The following AGPAT2 variants were observed in gnomAD, a reference collection of about 807,000 sequenced individuals.
The protein encoded by AGPAT2 is 1-acylglycerol-3-phosphate O-acyltransferase 2.
AGPAT2 carries 18 observed loss-of-function variants against 26.1 expected under a neutral mutation model. The ratio of observed to expected loss-of-function variants is 0.69; its 90% CI spans 0.48 to 1.02. The LOEUF (loss-of-function observed/expected upper bound fraction) is 1.02, where lower values mean the gene tolerates loss of function less well. AGPAT2 is among the 50% of genes least tolerant of loss of function. The probability of loss-of-function intolerance (pLI) is 0.00; values close to 1 mark genes in which losing one functional copy is unlikely to be tolerated. For synonymous variants in AGPAT2, 200 were observed against 174.2 expected (o/e 1.15, Z -1.16); for missense variants, 415 against 394.9 (o/e 1.05, Z -0.43).
chr9:136,677,470 C>T lies in AGPAT2; in HGVS notation c.269G>A (p.Arg90His), dbSNP rs142176861. Residue 90 changes from arginine to histidine, a missense_variant, in exon 2 of 6, where the codon CGT (arginine) becomes CAT (histidine). Physicochemically the swap from Arg to His is conservative, Grantham distance 29. Transcript: ENST00000371696. ...GTGGTTGGAGACGATGACACAGGGA[C>T]GGGCCTCCTGCAGCCTGCGCGGGTC... ...VRDPRRLQEA[R>H]PCVIVSNHQS... 8.0e-5 allele frequency: 129 copies of T among 1,613,108 alleles called. No homozygotes were observed. The African/African-American group carries it at 1.3e-3, about 16-fold the overall frequency.
In AGPAT2 at chr9:136,677,069, G is replaced by A. The variant is rs139719956; in HGVS notation, c.384C>T (p.Pro128=). The A allele has an allele frequency of 1.4e-5, 22 of 1,613,124 alleles. No individual in the cohort carries two copies. The highest frequency in any genetic ancestry group is 1.2e-4 in the African/African-American group (9 of 74,904). ...CCCCGAGGTACATGATGAGGCCCAC[G>A]GGCCCCAGGAAGAGCAGCTCCCGCT... ...IAKRELLFLG[P]VGLIMYLGGV... is the part of the protein sequence containing the mutation. The change falls in exon 3 of 6, where the codon CCC becomes CCT. Residue 128 remains proline (P), a synonymous_variant. Transcript: ENST00000371696.
rs2119185674 is a variant in AGPAT2, at chr9:136,677,149, GAGAC to G, written c.317-17_317-14del. ...ACCTCCATGAGGCCTGGGAGACAGA[GAGAC>G]AGAGACAGAGAGAGAGGGGGAGACA... On this transcript the variant is annotated splice_polypyrimidine_tract_variant and intron_variant, in intron 2 of 5. Transcript: ENST00000371696. 1 of 1,612,288 alleles carries G rather than the reference GAGAC, an allele frequency of 6.2e-7. No homozygotes were observed. Among genetic ancestry groups the G allele is most frequent in the South Asian group, 1.1e-5 (1 of 91,026 alleles).
At chr9:136,677,900 C>G (rs1588264677) in intron 1 of AGPAT2, among the ~76,000 whole-genome samples, 1 of 152,234 alleles carries the variant, frequency 6.6e-6, no homozygotes, top group Non-Finnish European at 1.5e-5. Context: ...CGGAAAGGAA[C>G]TGGCACTGGC....
rs199964729 is a variant in AGPAT2 at position 136,673,932 on chromosome 9, G to C, written c.662-5C>G. On this transcript the variant is annotated splice_polypyrimidine_tract_variant and splice_region_variant and intron_variant, in intron 5 of 5. Transcript: ENST00000371696. ...GCACCTGCACTGTGACTGTTCCTGT[G>C]GGGGAAGCAACAGACCTCAGTGGCC... is the stretch of plus-strand genomic sequence containing the variant. 313 of 1,554,594 alleles carry C rather than the reference G, an allele frequency of 2.0e-4. 1 individual carries two copies. In the East Asian group the frequency reaches 7.1e-3, roughly 35 times the overall value.
chr9:136,686,531 T>G lies in AGPAT2; in HGVS notation c.182+645A>C, dbSNP rs922152172. On this transcript the variant is annotated intron_variant, in intron 1 of 5. Coordinates refer to ENST00000371696, the MANE Select transcript of AGPAT2 (RefSeq NM_006412.4). ...AAATTTCAGCCCCGCCGAACCCTAG[T>G]CCTAACTCTTCCTTCCCTTCGCTTG... Among the ~76,000 whole-genome samples the G allele has an allele frequency of 2.0e-5, 3 of 152,238 alleles. 1 individual carries two copies. The highest frequency in any genetic ancestry group is 4.4e-5 in the Non-Finnish European group (3 of 68,042).
chr9:136,680,042 G>C (rs1405311053), intron 1 of AGPAT2, among the ~76,000 whole-genome samples: 3 of 152,226 alleles, frequency 2.0e-5, no homozygotes, highest in Admixed American at 6.5e-5. Flanking sequence ...TTCACAGACA[G>C]CTGGGGCGCG....
At chr9:136,676,214 A>G (rs1846088512) in intron 4 of AGPAT2, among the ~76,000 whole-genome samples, 1 of 152,132 alleles carries the variant, frequency 6.6e-6, no homozygotes, top group Non-Finnish European at 1.5e-5. Context: ...CCCACTGCCC[A>G]TGCCCTGAAG....
Position 136,673,486 on chromosome 9 carries a change from C to CT in AGPAT2, c.*265dup. On this transcript the variant is annotated 3_prime_UTR_variant, in exon 6 of 6. Transcript: ENST00000371696. ...AGCGGGCCACAGCCGCAAGCCTCAT[C>CT]TTTATCATCCCAGCTCCCAGAGGTG... 2 of 370,570 alleles carry CT rather than the reference C, an allele frequency of 5.4e-6. No homozygotes were observed. Among genetic ancestry groups the CT allele is most frequent in the Non-Finnish European group, 4.8e-6 (1 of 206,682 alleles). The allele number at this position is 370,570 out of a possible 1,614,324, so 23.0% of individuals were successfully genotyped here.
intron 1 of AGPAT2, among the ~76,000 whole-genome samples, chr9:136,683,513 C>T (rs1311057112): frequency 1.3e-5 from 2 of 152,156 alleles, no homozygotes; most frequent in Non-Finnish European, 2.9e-5. Flanking sequence ...CTGGGGCCAC[C>T]GGGGACAGGG....
rs756881554 is a variant in AGPAT2 at position 136,676,536 on chromosome 9, C to A, written c.588+49G>T. ...ACCTGCTGCCTTAAGCCAGCCTGAC[C>A]CCGCCTCCCCAGCCTGCACCCACCC... On this transcript the variant is annotated intron_variant, in intron 4 of 5. Transcript: ENST00000371696. 16 of 1,516,838 alleles carry A rather than the reference C, an allele frequency of 1.1e-5. No homozygotes were observed. The Admixed American group carries it at 1.3e-4, about 13-fold the overall frequency. 94.0% of individuals were successfully genotyped at this position (1,516,838 alleles called of 1,614,324 possible).
chr9:136,683,972 G>A (rs1053097307), intron 1 of AGPAT2, among the ~76,000 whole-genome samples: 26 of 152,324 alleles, frequency 1.7e-4, no homozygotes, highest in Non-Finnish European at 8.8e-5. Flanking sequence ...CGTGTGGTGT[G>A]GGCACGTGCT....
intron 5 of AGPAT2, 131 bp from the exon 6 acceptor site, chr9:136,674,058 T>C: frequency 4.7e-6 from 4 of 857,924 alleles, no homozygotes; most frequent in Non-Finnish European, 5.0e-6. Context: ...GCTCTTCCCC[T>C]GGACTCCCTA....
chr9:136,673,953 T>C (rs1281498735), intron 5 of AGPAT2, 26 bp from the exon 6 acceptor site: 3 of 1,496,788 alleles, frequency 2.0e-6, no homozygotes, highest in Non-Finnish European at 2.7e-6. Context: ...CAGACCTCAG[T>C]GGCCTGTGGG....
chr9:136,674,899 C>T, intron 4 of AGPAT2, 92 bp from the exon 5 acceptor site: 1 of 870,278 alleles, frequency 1.1e-6, no homozygotes, highest in East Asian at 3.1e-5. Flanking sequence ...TGTCCTGCGG[C>T]CCACCCACCC....
At chr9:136,682,809 G>A (rs1846177964) in intron 1 of AGPAT2, among the ~76,000 whole-genome samples, 1 of 152,130 alleles carries the variant, frequency 6.6e-6, no homozygotes, top group Admixed American at 6.5e-5. Flanking sequence ...GGGGTCTGCA[G>A]GAACCCAGCC....
chr9:136,676,500 G>A (rs534984166), intron 4 of AGPAT2, 85 bp downstream of exon 4: 26 of 1,099,044 alleles, frequency 2.4e-5, no homozygotes, highest in Middle Eastern at 2.8e-4. Flanking sequence ...TCCTCAGCTC[G>A]GCTGGTGGTC....
At chr9:136,675,110 G>T (rs1158364150) in intron 4 of AGPAT2, among the ~76,000 whole-genome samples, 1 of 152,168 alleles carries the variant, frequency 6.6e-6, no homozygotes, top group Non-Finnish European at 1.5e-5. Flanking sequence ...AGCCAGGGGG[G>T]CAGGGCCCTG....
At chr9:136,674,546 C>T (rs1261691906) in intron 5 of AGPAT2, among the ~76,000 whole-genome samples, 189 bp downstream of exon 5, 2 of 152,252 alleles carry the variant, frequency 1.3e-5, no homozygotes, top group Non-Finnish European at 2.9e-5. Flanking sequence ...CAGCACCACC[C>T]ATCTCACAGG....
rs930164543 is a variant in AGPAT2 at position 136,673,612 on chromosome 9, C to T, written c.*140G>A. Reference sequence around the variant, plus strand: ...TGTCTGAGGCCAGTGACAGAAGGGGCTTCCTGCTTCCCGGGCTGAGTGAGA... The same window carrying T: ...TGTCTGAGGCCAGTGACAGAAGGGGTTTCCTGCTTCCCGGGCTGAGTGAGA... On this transcript the variant is annotated 3_prime_UTR_variant, in exon 6 of 6. Coordinates refer to ENST00000371696, the MANE Select transcript of AGPAT2 (RefSeq NM_006412.4). 5 of 980,002 alleles carry T rather than the reference C, an allele frequency of 5.1e-6. No individual in the cohort carries two copies. The highest frequency in any genetic ancestry group is 7.1e-6 in the Non-Finnish European group (5 of 703,044). The allele number at this position is 980,002 out of a possible 1,614,324, so 60.7% of individuals were successfully genotyped here.
Sources: allele counts gnomAD v4.1 joint callset (sites outside exome capture counted in the v4.1 genomes callset), GRCh38; gene constraint gnomAD v4.1.1; transcripts MANE v1.5; gene names NCBI Gene and HGNC (gene_info 2026-07-23, HGNC 2026-07-21).